The following RPS6KA2 variants were observed in gnomAD, a reference collection of about 807,000 sequenced individuals.
The protein encoded by RPS6KA2 is ribosomal protein S6 kinase A2.
A neutral mutation model predicts 91.8 loss-of-function variants in RPS6KA2; 42 were observed. That is an observed-to-expected ratio of 0.46 (90% CI 0.36 to 0.59). The LOEUF (loss-of-function observed/expected upper bound fraction) is 0.59. Among genes scored for constraint, RPS6KA2 ranks in the 20% least tolerant of loss-of-function variants. The pLI is 0.00. For missense variants in RPS6KA2, 798 were observed against 978.5 expected (o/e 0.82, Z 2.46); for synonymous variants, 414 against 393.6 (o/e 1.05, Z -0.61).
rs117735357 is a variant in RPS6KA2, at chr6:166,684,169, C to A, written c.124-145385G>T. 6.4e-3 allele frequency among the ~76,000 whole-genome samples: 980 copies of A among 152,274 alleles called. 30 individuals carry two copies. The South Asian group carries it at 0.091, about 14-fold the overall frequency. On this transcript the variant is annotated intron_variant, in intron 2 of 21. Transcript: ENST00000503859. ...GGCAGGGTTCAGATACTGGACCAAA[C>A]TGAGACCCTGCTAACACAGGGACGG...
chr6:166,529,459 G>A (rs11962046), intron 3 of RPS6KA2, among the ~76,000 whole-genome samples: 28,735 of 151,702 alleles, frequency 0.19, 2,922 homozygotes, highest in African/African-American at 0.26. Flanking sequence ...ATTAGGAGAT[G>A]TACCTAATGT....
intron 2 of RPS6KA2, among the ~76,000 whole-genome samples, chr6:166,659,755 A>AG (rs1196531131): frequency 6.6e-6 from 1 of 152,318 alleles, no homozygotes; most frequent in African/African-American, 2.4e-5. Context: ...TCCTTTGCCC[A>AG]GGCTGGCCCT....
chr6:166,810,185 A>C (rs2128620214), intron 2 of RPS6KA2, among the ~76,000 whole-genome samples: 1 of 152,168 alleles, frequency 6.6e-6, no homozygotes, highest in South Asian at 2.1e-4. Flanking sequence ...GAGGGAAAGC[A>C]CTCCTGTGAT....
intron 1 of RPS6KA2, among the ~76,000 whole-genome samples, chr6:166,617,489 CA>C (rs931972660): frequency 6.6e-6 from 1 of 152,134 alleles, no homozygotes; most frequent in Non-Finnish European, 1.5e-5. Context: ...CAAGGCCAAA[CA>C]GTAGTTAGTA....
chr6:166,545,715 C>T (rs1035277113), intron 1 of RPS6KA2, among the ~76,000 whole-genome samples: 18 of 152,178 alleles, frequency 1.2e-4, no homozygotes, highest in Admixed American at 1.0e-3. Flanking sequence ...TTTCTGCCTT[C>T]GCCTTCATTG....
At chr6:166,584,241 T>A (rs547783421) in intron 1 of RPS6KA2, among the ~76,000 whole-genome samples, 7 of 152,354 alleles carry the variant, frequency 4.6e-5, no homozygotes, top group Middle Eastern at 3.4e-3. Flanking sequence ...CAGCGCCCTT[T>A]CGTGGTGGAG....
At position 166,828,951 on chromosome 6, in the gene RPS6KA2, A is replaced by C. The variant is rs554637725; in HGVS notation, c.123+29249T>G. Among the ~76,000 whole-genome samples, 15 of 152,342 alleles carry C rather than the reference A, an allele frequency of 9.8e-5. No individual in the cohort carries two copies. In the South Asian group the frequency reaches 3.1e-3, roughly 32 times the overall value. On this transcript the variant is annotated intron_variant, in intron 2 of 21. Transcript: ENST00000503859. The stretch of plus-strand genomic sequence containing the variant: ...ATCAGATAAGGGGTTAATATCTGGA[A>C]TGTATAAAAACCTCCTACAACTTAA...
upstream of RPS6KA2, chr6:166,627,264 C>T (rs1221337107): frequency 9.9e-7 from 1 of 1,006,254 alleles, no homozygotes; most frequent in Non-Finnish European, 1.2e-6. Flanking sequence ...CAGCGCCGGC[C>T]ACGCGCCACG....
intron 6 of RPS6KA2, among the ~76,000 whole-genome samples, chr6:166,504,263 A>G (rs1254707944): frequency 6.6e-6 from 1 of 152,206 alleles, no homozygotes; most frequent in African/African-American, 2.4e-5. Flanking sequence ...GGCCTCCCTC[A>G]GGCGTTATGA....
chr6:166,720,301 C>G (rs917112947), intron 2 of RPS6KA2, among the ~76,000 whole-genome samples: 1 of 152,242 alleles, frequency 6.6e-6, no homozygotes, highest in South Asian at 2.1e-4. Context: ...AAGTTGGGAA[C>G]ATCATATTAA....
At chr6:166,677,044 C>T (rs1336561683) in intron 2 of RPS6KA2, among the ~76,000 whole-genome samples, 2 of 152,164 alleles carry the variant, frequency 1.3e-5, no homozygotes, top group African/African-American at 4.8e-5. Flanking sequence ...TCTTCTGTTT[C>T]CAGTATGCTC....
intron 2 of RPS6KA2, among the ~76,000 whole-genome samples, chr6:166,722,456 G>A (rs1190380590): frequency 6.6e-6 from 1 of 152,236 alleles, no homozygotes; most frequent in Non-Finnish European, 1.5e-5. Flanking sequence ...CGGTTGTGAG[G>A]ACAGTCCATC....
intron 1 of RPS6KA2, among the ~76,000 whole-genome samples, chr6:166,617,380 G>A (rs1583331719): frequency 6.6e-6 from 1 of 152,116 alleles, no homozygotes; most frequent in Non-Finnish European, 1.5e-5. Context: ...AGTAATCAAA[G>A]TTGTTCGGGG....
intron 2 of RPS6KA2, among the ~76,000 whole-genome samples, chr6:166,712,280 A>C (rs1325138567): frequency 2.0e-5 from 3 of 152,212 alleles, no homozygotes; most frequent in Non-Finnish European, 2.9e-5. Flanking sequence ...TCTGGTGGTG[A>C]GGGCAAGGCC....
intron 2 of RPS6KA2, among the ~76,000 whole-genome samples, chr6:166,537,175 T>G (rs74916382): frequency 0.038 from 5,816 of 152,374 alleles, 361 homozygotes; most frequent in African/African-American, 0.13. Flanking sequence ...ACGATTCGGC[T>G]GATTCTGTGC....
chr6:166,512,767 T>C (rs973051237), intron 3 of RPS6KA2, among the ~76,000 whole-genome samples: 3 of 152,240 alleles, frequency 2.0e-5, no homozygotes, highest in African/African-American at 7.2e-5. Context: ...TGGGGCTGCC[T>C]AAGAAACCTG....
At chr6:166,467,057 G>A (rs28368379) in intron 11 of RPS6KA2, among the ~76,000 whole-genome samples, 2 of 120,502 alleles carry the variant, frequency 1.7e-5, no homozygotes, top group Non-Finnish European at 3.5e-5. Flanking sequence ...CTCACTCATT[G>A]ACTCACTGAC....
intron 1 of RPS6KA2, among the ~76,000 whole-genome samples, chr6:166,614,720 C>T (rs1456051818): frequency 2.0e-5 from 3 of 152,156 alleles, no homozygotes; most frequent in African/African-American, 7.2e-5. Flanking sequence ...CATGTCCAGC[C>T]CTGGGGGCCA....
At chr6:166,436,806 G>A (rs1020056176) in intron 14 of RPS6KA2, among the ~76,000 whole-genome samples, 1 of 152,256 alleles carries the variant, frequency 6.6e-6, no homozygotes, top group East Asian at 1.9e-4. Flanking sequence ...TCAGCCTCCC[G>A]AGTAGCTGGG....
Sources: allele counts gnomAD v4.1 joint callset (sites outside exome capture counted in the v4.1 genomes callset), GRCh38; gene constraint gnomAD v4.1.1; transcripts MANE v1.5; gene names NCBI Gene and HGNC (gene_info 2026-07-23, HGNC 2026-07-21).